The following GMDS variants were observed in gnomAD, a reference collection of about 807,000 sequenced individuals.
The protein encoded by GMDS is GDP-mannose 4,6 dehydratase.
GMDS carries 20 observed loss-of-function variants against 49.9 expected under a neutral mutation model. The ratio of observed to expected loss-of-function variants is 0.40; its 90% CI spans 0.28 to 0.58. GMDS has a LOEUF of 0.58. Ranked by LOEUF, GMDS falls within the 20% of genes least tolerant of loss-of-function variation. The pLI, the probability that GMDS is intolerant of heterozygous loss-of-function variation, is 0.42. For synonymous variants in GMDS, 177 were observed against 178.6 expected (o/e 0.99, Z 0.07); for missense variants, 362 against 481.4 (o/e 0.75, Z 2.32).
chr6:1,667,764 TTTC>T (rs1408678516), intron 9 of GMDS, among the ~76,000 whole-genome samples: 4 of 152,030 alleles, frequency 2.6e-5, no homozygotes, highest in South Asian at 2.1e-4. Flanking sequence ...TTGTATTATT[TTTC>T]TTCTTCTCAA....
rs59887550 is a variant in GMDS, at chr6:2,079,567, A to T, written c.345+36204T>A. The stretch of plus-strand genomic sequence containing the variant: ...TTTATTTCTCCTTCAGTTACAAAGA[A>T]TATTTTTGCTAGATATAGTATCCCT... On this transcript the variant is annotated intron_variant, in intron 4 of 10. Transcript: ENST00000380815. 7.0e-3 allele frequency among the ~76,000 whole-genome samples: 1,059 copies of T among 152,208 alleles called. 9 individuals carry two copies. Among genetic ancestry groups the T allele is most frequent in the African/African-American group, 0.024 (992 of 41,564 alleles).
intron 1 of GMDS, among the ~76,000 whole-genome samples, chr6:2,165,382 C>G (rs979985874): frequency 2.0e-5 from 3 of 152,186 alleles, no homozygotes; most frequent in Non-Finnish European, 4.4e-5. Context: ...CACTTTGAGT[C>G]CAAAGGGAGG....
At chr6:2,045,385 T>G (rs1339765948) in intron 4 of GMDS, among the ~76,000 whole-genome samples, 9 of 151,986 alleles carry the variant, frequency 5.9e-5, no homozygotes, top group Admixed American at 5.9e-4. Flanking sequence ...CCTTCCTCTA[T>G]TTTTTCAGGT....
rs190866804 is a variant in GMDS, at chr6:2,179,865, A to C, written c.103-55134T>G. ...TATACCAATGTGAGTCCATAAGATCATACAAATATCCTGAAACACTCATCT... is the reference window on the plus strand; with the variant it reads ...TATACCAATGTGAGTCCATAAGATCCTACAAATATCCTGAAACACTCATCT... On this transcript the variant is annotated intron_variant, in intron 1 of 10. Coordinates refer to ENST00000380815, the MANE Select transcript of GMDS (RefSeq NM_001500.4). Among the ~76,000 whole-genome samples the C allele has an allele frequency of 1.0e-3, 157 of 151,600 alleles. 2 individuals are homozygous for C. Among genetic ancestry groups the C allele is most frequent in the Non-Finnish European group, 1.4e-3 (97 of 67,990 alleles).
At chr6:2,109,825 A>G (rs1278082957) in intron 4 of GMDS, among the ~76,000 whole-genome samples, 1 of 152,212 alleles carries the variant, frequency 6.6e-6, no homozygotes, top group Non-Finnish European at 1.5e-5. Flanking sequence ...ATGTTAACTT[A>G]CTGAATGCTA....
chr6:2,169,404 C>T lies in GMDS; in HGVS notation c.103-44673G>A, dbSNP rs991460058. Among the ~76,000 whole-genome samples the T allele has an allele frequency of 3.3e-5, 5 of 151,906 alleles. No homozygotes were observed. The East Asian group carries it at 5.8e-4, about 18-fold the overall frequency. On this transcript the variant is annotated intron_variant, in intron 1 of 10. Transcript: ENST00000380815. Reference sequence around the variant, plus strand: ...GGAGGAACACCTGAGGCCAGGAGTTCGAGACCAGCTTGGCCAACATGGTAA... The same window carrying T: ...GGAGGAACACCTGAGGCCAGGAGTTTGAGACCAGCTTGGCCAACATGGTAA...
chr6:2,193,077 T>C (rs993369836), intron 1 of GMDS, among the ~76,000 whole-genome samples: 3 of 152,152 alleles, frequency 2.0e-5, no homozygotes, highest in Non-Finnish European at 4.4e-5. Context: ...GTTGTCACAA[T>C]CACTGGGGGA....
At chr6:2,180,437 T>C (rs1229150519) in intron 1 of GMDS, among the ~76,000 whole-genome samples, 1 of 152,180 alleles carries the variant, frequency 6.6e-6, no homozygotes, top group Admixed American at 6.5e-5. Flanking sequence ...CTTTTGAATG[T>C]ACTAAGAAAA....
chr6:2,172,486 T>C (rs1175678177), intron 1 of GMDS, among the ~76,000 whole-genome samples: 1 of 151,520 alleles, frequency 6.6e-6, no homozygotes, highest in Non-Finnish European at 1.5e-5. Context: ...AGGTCAGGAG[T>C]TCAAAACCAG....
At chr6:2,056,030 T>A (rs1450909869) in intron 4 of GMDS, among the ~76,000 whole-genome samples, 3 of 152,146 alleles carry the variant, frequency 2.0e-5, no homozygotes, top group African/African-American at 7.2e-5. Context: ...ATGTAAGACA[T>A]CATCAATGTA....
intron 7 of GMDS, among the ~76,000 whole-genome samples, chr6:1,765,859 A>G (rs575690839): frequency 1.3e-5 from 2 of 152,278 alleles, no homozygotes; most frequent in Non-Finnish European, 2.9e-5. Flanking sequence ...TTTAGGAAAT[A>G]GCAGAACAAA....
intron 7 of GMDS, among the ~76,000 whole-genome samples, chr6:1,775,577 G>A (rs1378077154): frequency 6.6e-6 from 1 of 152,190 alleles, no homozygotes; most frequent in East Asian, 1.9e-4. Context: ...ATGTTTAGCA[G>A]GGGTCAAAAC....
chr6:1,858,951 C>T (rs936890939), intron 7 of GMDS, among the ~76,000 whole-genome samples: 1 of 134,442 alleles, frequency 7.4e-6, no homozygotes, highest in African/African-American at 3.0e-5. Flanking sequence ...TATCTCAGTG[C>T]TTTTTTTGTG....
chr6:1,745,556 C>T (rs976377180), intron 7 of GMDS, among the ~76,000 whole-genome samples: 4 of 152,102 alleles, frequency 2.6e-5, no homozygotes, highest in African/African-American at 4.8e-5. Context: ...GTTTTGTTCC[C>T]GGCAGGAATC....
chr6:1,788,063 T>C (rs751357696), intron 7 of GMDS, among the ~76,000 whole-genome samples: 3 of 151,862 alleles, frequency 2.0e-5, no homozygotes, highest in Non-Finnish European at 4.4e-5. Flanking sequence ...AGATGTCAAA[T>C]TGGAATATTA....
chr6:1,680,550 A>G (rs1764755350), intron 9 of GMDS, among the ~76,000 whole-genome samples: 1 of 152,176 alleles, frequency 6.6e-6, no homozygotes, highest in South Asian at 2.1e-4. Context: ...TCACACGGAA[A>G]GCAGCGTGGA....
At chr6:1,681,090 A>T (rs1334238863) in intron 9 of GMDS, among the ~76,000 whole-genome samples, 1 of 152,072 alleles carries the variant, frequency 6.6e-6, no homozygotes, top group African/African-American at 2.4e-5. Flanking sequence ...AGTGCACAAC[A>T]CACTCATACA....
At chr6:2,155,814 A>C (rs1417358757) in intron 1 of GMDS, among the ~76,000 whole-genome samples, 1 of 152,184 alleles carries the variant, frequency 6.6e-6, no homozygotes, top group Non-Finnish European at 1.5e-5. Flanking sequence ...ATCTCTGCTG[A>C]AAAGTATTTT....
chr6:2,065,096 C>T (rs979477651), intron 4 of GMDS, among the ~76,000 whole-genome samples: 2 of 152,238 alleles, frequency 1.3e-5, no homozygotes, highest in African/African-American at 2.4e-5. Context: ...AGACTGCCTC[C>T]TCAAGTGGAT....
Sources: allele counts gnomAD v4.1 joint callset (sites outside exome capture counted in the v4.1 genomes callset), GRCh38; gene constraint gnomAD v4.1.1; transcripts MANE v1.5; gene names NCBI Gene and HGNC (gene_info 2026-07-23, HGNC 2026-07-21).